The following ALDH5A1 variants were observed in gnomAD, a reference collection of about 807,000 sequenced individuals.
ALDH5A1 encodes aldehyde dehydrogenase 5 family member A1, also known as succinate-semialdehyde dehydrogenase, mitochondrial.
Under a neutral mutation model 54.7 loss-of-function variants are expected in ALDH5A1, and 33 were observed. The ratio of observed to expected loss-of-function variants is 0.60; its 90% CI spans 0.46 to 0.81. The LOEUF is 0.81. Ranked by LOEUF, ALDH5A1 falls within the 30% of genes least tolerant of loss-of-function variation. The pLI is 0.00. For synonymous variants in ALDH5A1, 294 were observed against 292.7 expected, an observed-to-expected ratio of 1.00 and a Z score of -0.05; for missense variants, 657 against 711.0, an observed-to-expected ratio of 0.92 and a Z score of 0.86.
chr6:24,520,677 A>T, intron 6 of ALDH5A1, 133 bp downstream of exon 6: 1 of 1,333,616 alleles, frequency 7.5e-7, no homozygotes, highest in Non-Finnish European at 1.0e-6. Context: ...AGATCCCACC[A>T]CCTCTACTGC....
chr6:24,523,086 C>G (rs929455778), intron 7 of ALDH5A1, among the ~76,000 whole-genome samples, 161 bp downstream of exon 7: 1 of 152,058 alleles, frequency 6.6e-6, no homozygotes, highest in Non-Finnish European at 1.5e-5. Flanking sequence ...TTCTACAGCA[C>G]TGTAGAATGA....
chr6:24,496,516 G>A (rs776135508), intron 1 of ALDH5A1, among the ~76,000 whole-genome samples: 5 of 152,148 alleles, frequency 3.3e-5, no homozygotes, highest in African/African-American at 1.2e-4. Context: ...TCATTTTACC[G>A]CTCTGGAGGG....
At chr6:24,514,623 G>A (rs535161458) in intron 4 of ALDH5A1, among the ~76,000 whole-genome samples, 1 of 151,976 alleles carries the variant, frequency 6.6e-6, no homozygotes, top group Non-Finnish European at 1.5e-5. Context: ...CCAGCTACTC[G>A]GAAGGCTTAG....
Position 24,537,177 on chromosome 6 carries a change from C to A in ALDH5A1, c.*3465C>A, listed in dbSNP as rs1220262012. The A allele has an allele frequency of 6.6e-6, 1 of 152,424 alleles. No individual in the cohort carries two copies. The highest frequency in any genetic ancestry group is 2.4e-5 in the African/African-American group (1 of 41,418). The allele number at this position is 152,424 out of a possible 1,614,324, so 9.4% of individuals were successfully genotyped here. On this transcript the variant is annotated 3_prime_UTR_variant, in exon 10 of 10. Coordinates refer to ENST00000357578, the MANE Select transcript of ALDH5A1 (RefSeq NM_001080.3). ...TGCAGAGAGCTGTGTGATTAATAAA[C>A]GTGGAATTAACAGAATTTCCTCTCC...
At chr6:24,501,071 A>G (rs780219369) in intron 1 of ALDH5A1, among the ~76,000 whole-genome samples, 3 of 152,200 alleles carry the variant, frequency 2.0e-5, no homozygotes, top group Non-Finnish European at 4.4e-5. Context: ...AGTTTCACAG[A>G]TCAAAGTAAT....
intron 4 of ALDH5A1, among the ~76,000 whole-genome samples, chr6:24,511,313 T>C (rs1369712229): frequency 2.6e-5 from 4 of 152,222 alleles, no homozygotes; most frequent in Admixed American, 2.6e-4. Flanking sequence ...ATGATCTTTT[T>C]GTGATGAATT....
In ALDH5A1 at chr6:24,536,204, G is replaced by C. The variant is rs567226625; in HGVS notation, c.*2492G>C. On this transcript the variant is annotated 3_prime_UTR_variant, in exon 10 of 10. Coordinates refer to ENST00000357578, the MANE Select transcript of ALDH5A1 (RefSeq NM_001080.3). Reference sequence around the variant, plus strand: ...GAAAAGGACCATTAGATCAGGGGTTGGCAAACTATGGCCCACGAATCAAAC... The same window carrying C: ...GAAAAGGACCATTAGATCAGGGGTTCGCAAACTATGGCCCACGAATCAAAC... 1 of 152,292 alleles carries C rather than the reference G, an allele frequency of 6.6e-6. No individual in the cohort carries two copies. The highest frequency in any genetic ancestry group is 1.9e-4 in the East Asian group (1 of 5,192). The allele number at this position is 152,292 out of a possible 1,614,324, so 9.4% of individuals were successfully genotyped here.
intron 2 of ALDH5A1, among the ~76,000 whole-genome samples, chr6:24,502,823 A>G (rs902768803): frequency 6.6e-6 from 1 of 152,124 alleles, no homozygotes; most frequent in East Asian, 1.9e-4. Flanking sequence ...ATAGTATCCA[A>G]AAATAGATTT....
intron 1 of ALDH5A1, among the ~76,000 whole-genome samples, chr6:24,499,976 C>G (rs9467199): frequency 4.4e-4 from 66 of 151,330 alleles, no homozygotes; most frequent in Admixed American, 3.1e-3. Flanking sequence ...CAGATAATTT[C>G]TGTGTGTGTG....
intron 4 of ALDH5A1, among the ~76,000 whole-genome samples, chr6:24,511,567 G>C (rs1759461874): frequency 6.6e-6 from 1 of 151,884 alleles, no homozygotes. Context: ...TGAAAACCTT[G>C]TCTTTGAGCT....
rs1445547579 is a variant in ALDH5A1 at position 24,528,077 on chromosome 6, T to C, written c.1254T>C (p.Asn418=). The C allele has an allele frequency of 7.4e-6, 12 of 1,614,050 alleles. No individual in the cohort carries two copies. The East Asian group carries it at 2.5e-4, about 33-fold the overall frequency. ...GAAAACGACACCAACTTGGAAAAAATTTCTTTGAGCCTACCCTGCTGTGCA... is the reference window on the plus strand; with the variant it reads ...GAAAACGACACCAACTTGGAAAAAACTTCTTTGAGCCTACCCTGCTGTGCA... ...TGGKRHQLGK[N]FFEPTLLCNV... Residue 418 remains asparagine (N), a synonymous_variant, in exon 8 of 10, where the codon AAT becomes AAC. Coordinates refer to ENST00000357578, the MANE Select transcript of ALDH5A1 (RefSeq NM_001080.3).
rs769362486 is a variant in ALDH5A1, at chr6:24,522,814, T to C, written c.1062T>C (p.Asp354=). Reference sequence around the variant, plus strand: ...TCTTGGTGCAAAGGGGCATCCATGATGCCTTTGTAAAAGCATTCGCCGAGG... The same window carrying C: ...TCTTGGTGCAAAGGGGCATCCATGACGCCTTTGTAAAAGCATTCGCCGAGG... ...NQFLVQRGIH[D]AFVKAFAEAM... is the part of the protein sequence containing the mutation. Residue 354 remains aspartate (D), a synonymous_variant, in exon 7 of 10, where the codon GAT becomes GAC. Transcript: ENST00000357578. 3 of 1,614,172 alleles carry C rather than the reference T, an allele frequency of 1.9e-6. No homozygotes were observed. In the South Asian group the frequency reaches 3.3e-5, roughly 18 times the overall value.
At chr6:24,523,932 C>A (rs1175378803) in intron 7 of ALDH5A1, among the ~76,000 whole-genome samples, 1 of 151,182 alleles carries the variant, frequency 6.6e-6, no homozygotes, top group Non-Finnish European at 1.5e-5. Flanking sequence ...TAAAAAAATC[C>A]ATTTTGGAGT....
In ALDH5A1 at chr6:24,527,994, C is replaced by A; in HGVS notation, c.1174-3C>A. ...AAAGCTTTTTTTCTTCCTCATTACACAGGTGGAGAAACAGGTGAATGATGC... is the reference window on the plus strand; with the variant it reads ...AAAGCTTTTTTTCTTCCTCATTACAAAGGTGGAGAAACAGGTGAATGATGC... On this transcript the variant is annotated splice_region_variant and splice_polypyrimidine_tract_variant and intron_variant, in intron 7 of 9. Transcript: ENST00000357578. 1 of 1,613,796 alleles carries A rather than the reference C, an allele frequency of 6.2e-7. No homozygotes were observed. Among genetic ancestry groups the A allele is most frequent in the Non-Finnish European group, 8.5e-7 (1 of 1,179,866 alleles).
At position 24,495,251 on chromosome 6, in the gene ALDH5A1, C is replaced by T. The variant is rs1307947596; in HGVS notation, c.255C>T (p.Ala85=). 3 of 1,526,850 alleles carry T rather than the reference C, an allele frequency of 2.0e-6. No homozygotes were observed. Among genetic ancestry groups the T allele is most frequent in the South Asian group, 2.4e-5 (2 of 83,532 alleles). The allele number at this position is 1,526,850 out of a possible 1,614,324, so 94.6% of individuals were successfully genotyped here. A position where few individuals can be genotyped will look rare whatever the true frequency, so the allele number is the denominator to read the frequency against. ...CCGTGCAAGACCCGGCCAGCGGCGC[C>T]GCTCTGGGCATGGTAGCCGACTGCG... ...TFPVQDPASG[A]ALGMVADCGV... Residue 85 remains alanine, a synonymous_variant, in exon 1 of 10, where the codon GCC becomes GCT. Coordinates refer to ENST00000357578, the MANE Select transcript of ALDH5A1 (RefSeq NM_001080.3).
intron 2 of ALDH5A1, 45 bp from the exon 3 acceptor site, chr6:24,503,218 T>C (rs1012401733): frequency 1.9e-6 from 3 of 1,601,482 alleles, no homozygotes; most frequent in Non-Finnish European, 2.6e-6. Context: ...GCCATGCTTT[T>C]ATTATTAGAA....
Position 24,495,010 on chromosome 6 carries a change from T to G in ALDH5A1, c.14T>G (p.Ile5Ser). The G allele has an allele frequency of 1.5e-6, 2 of 1,325,020 alleles. No individual in the cohort carries two copies. The highest frequency in any genetic ancestry group is 1.9e-6 in the Non-Finnish European group (2 of 1,040,344). The allele number at this position is 1,325,020 out of a possible 1,614,324, so 82.1% of individuals were successfully genotyped here. A position where few individuals can be genotyped will look rare whatever the true frequency, so the allele number is the denominator to read the frequency against. ...GTTGCCCGGGCCATGGCGACCTGCA[T>G]TTGGCTGCGGAGCTGTGGGGCCCGG... is the stretch of plus-strand genomic sequence containing the variant. Reference protein sequence around the residue: MATCIWLRSCGARRL... With the variant: MATCSWLRSCGARRL... Residue 5 changes from isoleucine (I) to serine (S), a missense_variant, in exon 1 of 10, where the codon ATT becomes AGT. Transcript: ENST00000357578.
At chr6:24,527,139 G>C (rs201960110) in intron 7 of ALDH5A1, among the ~76,000 whole-genome samples, 9 of 151,752 alleles carry the variant, frequency 5.9e-5, no homozygotes, top group Middle Eastern at 3.4e-3. Flanking sequence ...CGGAAGTGGA[G>C]AAGTGCACTC....
At chr6:24,524,040 T>C (rs566747071) in intron 7 of ALDH5A1, among the ~76,000 whole-genome samples, 3 of 148,946 alleles carry the variant, frequency 2.0e-5, no homozygotes, top group South Asian at 2.2e-4. Context: ...GGCTAGAGTA[T>C]AGTGGTGAGT....
Sources: allele counts gnomAD v4.1 joint callset (sites outside exome capture counted in the v4.1 genomes callset), GRCh38; gene constraint gnomAD v4.1.1; transcripts MANE v1.5; gene names NCBI Gene and HGNC (gene_info 2026-07-23, HGNC 2026-07-21).